SPAG16: variants seen among roughly 807,000 people sequenced by gnomAD.
SPAG16 encodes the protein sperm associated antigen 16.
A neutral mutation model predicts 80.4 loss-of-function variants in SPAG16; 86 were observed. The ratio of observed to expected loss-of-function variants is 1.07; its 90% confidence interval spans 0.90 to 1.28. The LOEUF (loss-of-function observed/expected upper bound fraction) is 1.28. Among genes scored for constraint, SPAG16 ranks in the 50% most tolerant of loss-of-function variants. SPAG16 has a pLI of 0.00. For synonymous variants in SPAG16, 294 were observed against 265.9 expected, an observed-to-expected ratio of 1.11 and a Z score of -1.03; for missense variants, 870 against 765.3, an observed-to-expected ratio of 1.14 and a Z score of -1.61.
intron 10 of SPAG16, among the ~76,000 whole-genome samples, chr2:213,836,728 C>T (rs968563626): frequency 1.3e-5 from 2 of 152,114 alleles, no homozygotes; most frequent in African/African-American, 4.8e-5. Flanking sequence ...TCTCCTGCCT[C>T]AGCACCCACT....
chr2:213,722,961 C>A (rs2066596572), intron 10 of SPAG16, among the ~76,000 whole-genome samples: 1 of 152,172 alleles, frequency 6.6e-6, no homozygotes, highest in South Asian at 2.1e-4. Flanking sequence ...ATGATCCAAT[C>A]ACTTCCCAAA....
intron 9 of SPAG16, among the ~76,000 whole-genome samples, chr2:213,474,250 C>A (rs2125671674): frequency 6.6e-6 from 1 of 152,318 alleles, no homozygotes; most frequent in Middle Eastern, 3.4e-3. Flanking sequence ...AAAGGCTGCA[C>A]ATGCACTTTT....
In SPAG16 at chr2:213,441,806, A is replaced by G. The variant is rs138119789; in HGVS notation, c.943-48157A>G. On this transcript the variant is annotated intron_variant, in intron 9 of 15. Coordinates refer to ENST00000331683, the MANE Select transcript of SPAG16 (RefSeq NM_024532.5). ...AGTTACAGTACAAAGTTAATATACA[A>G]AAGTCAACCACTTTCCTATATTCCA... 9.1e-3 allele frequency among the ~76,000 whole-genome samples: 1,386 copies of G among 152,204 alleles called. 15 individuals carry two copies. Among genetic ancestry groups the G allele is most frequent in the South Asian group, 0.02 (95 of 4,826 alleles).
chr2:213,602,051 C>T (rs1404088578), intron 10 of SPAG16, among the ~76,000 whole-genome samples: 1 of 152,236 alleles, frequency 6.6e-6, no homozygotes, highest in Non-Finnish European at 1.5e-5. Context: ...AATGCCACTA[C>T]TGATCTGACA....
chr2:214,030,481 A>C (rs1221255284), intron 13 of SPAG16, among the ~76,000 whole-genome samples: 1 of 152,302 alleles, frequency 6.6e-6, no homozygotes, highest in East Asian at 1.9e-4. Flanking sequence ...GTATATTGAC[A>C]TTGTAAATAG....
chr2:214,232,717 A>G (rs1688789231), intron 15 of SPAG16, among the ~76,000 whole-genome samples: 1 of 152,056 alleles, frequency 6.6e-6, no homozygotes. Flanking sequence ...ATGAATTATA[A>G]TGTATATTCA....
chr2:213,906,810 T>C (rs898104712), intron 11 of SPAG16, among the ~76,000 whole-genome samples: 1 of 152,060 alleles, frequency 6.6e-6, no homozygotes, highest in South Asian at 2.1e-4. Context: ...ATAATATCCA[T>C]TTGTGAAGAA....
chr2:213,395,740 A>G (rs2067996622), intron 9 of SPAG16, among the ~76,000 whole-genome samples: 1 of 152,158 alleles, frequency 6.6e-6, no homozygotes, highest in Non-Finnish European at 1.5e-5. Flanking sequence ...CTCTTGCATC[A>G]TTTCCAGGGT....
intron 10 of SPAG16, among the ~76,000 whole-genome samples, chr2:213,600,229 T>G (rs1305942151): frequency 6.6e-6 from 1 of 152,186 alleles, no homozygotes. Context: ...TCAAGCATCC[T>G]CCAACTCTCC....
At chr2:213,696,637 C>T (rs2065164243) in intron 10 of SPAG16, among the ~76,000 whole-genome samples, 1 of 152,106 alleles carries the variant, frequency 6.6e-6, no homozygotes, top group African/African-American at 2.4e-5. Context: ...TGCAAATGTA[C>T]ATACTTGCCA....
intron 10 of SPAG16, among the ~76,000 whole-genome samples, chr2:213,654,346 C>G (rs921069386): frequency 5.7e-5 from 8 of 141,158 alleles, no homozygotes; most frequent in Admixed American, 7.2e-5. Context: ...GCTTGAACAT[C>G]TATTGTTTTT....
chr2:213,308,477 A>G (rs1320430171), intron 3 of SPAG16, among the ~76,000 whole-genome samples: 1 of 152,142 alleles, frequency 6.6e-6, no homozygotes, highest in African/African-American at 2.4e-5. Context: ...TGATAATGAT[A>G]TTTTGAAAAT....
intron 10 of SPAG16, among the ~76,000 whole-genome samples, chr2:213,757,313 C>T (rs1409351587): frequency 1.3e-5 from 2 of 151,210 alleles, no homozygotes; most frequent in Non-Finnish European, 2.9e-5. Context: ...CCATCCATAT[C>T]AAAATACCCA....
At chr2:213,937,411 A>G (rs2079033904) in intron 12 of SPAG16, among the ~76,000 whole-genome samples, 2 of 152,054 alleles carry the variant, frequency 1.3e-5, no homozygotes, top group South Asian at 4.1e-4. Context: ...TAATGCTTAA[A>G]ATATAATTAT....
chr2:213,505,757 T>C (rs964776773), intron 10 of SPAG16, among the ~76,000 whole-genome samples: 21 of 152,128 alleles, frequency 1.4e-4, no homozygotes, highest in African/African-American at 5.1e-4. Flanking sequence ...ACAATTTGGA[T>C]AACCATTATC....
chr2:213,615,539 T>A (rs1463706793), intron 10 of SPAG16, among the ~76,000 whole-genome samples: 1 of 152,118 alleles, frequency 6.6e-6, no homozygotes, highest in African/African-American at 2.4e-5. Flanking sequence ...TGCAGCGAGC[T>A]GAGATCATGC....
At chr2:213,559,217 C>T (rs547132899) in intron 10 of SPAG16, among the ~76,000 whole-genome samples, 29 of 152,144 alleles carry the variant, frequency 1.9e-4, no homozygotes, top group Non-Finnish European at 3.7e-4. Context: ...CATCCTGAAC[C>T]GTCTCTGAAT....
intron 14 of SPAG16, among the ~76,000 whole-genome samples, chr2:214,134,740 C>A (rs79810308): frequency 0.024 from 3,582 of 152,296 alleles, 97 homozygotes; most frequent in South Asian, 0.13. Flanking sequence ...CTTACTGAGA[C>A]TAGTGGCCTT....
chr2:214,409,995 A>G, intron 15 of SPAG16, 145 bp from the exon 16 acceptor site: 1 of 769,476 alleles, frequency 1.3e-6, no homozygotes, highest in Non-Finnish European at 2.1e-6. Context: ...TCTTATACCT[A>G]CAGGAGCTAC....
Sources: gnomAD v4.1 joint callset for allele counts (sites outside exome capture counted in the v4.1 genomes callset) on GRCh38, gnomAD v4.1.1 for gene constraint, MANE v1.5 for transcripts, NCBI Gene and HGNC (gene_info 2026-07-23, HGNC 2026-07-21) for gene names.